The following ERO1A variants were observed in gnomAD, a reference collection of about 807,000 sequenced individuals.
ERO1A encodes the protein ERO1-like protein alpha.
In ERO1A, 49 loss-of-function variants were observed where a neutral mutation model predicts 76.9. The observed-to-expected ratio is 0.64, with a 90% confidence interval of 0.51 to 0.81. The LOEUF is 0.81. ERO1A is among the 30% of genes least tolerant of loss of function. The pLI is 0.00. For missense variants in ERO1A, 448 were observed against 542.1 expected (o/e 0.83, Z 1.72); for synonymous variants, 174 against 181.2 (o/e 0.96, Z 0.32).
chr14:52,684,169 G>A (rs1306315103), intron 1 of ERO1A, among the ~76,000 whole-genome samples: 1 of 139,386 alleles, frequency 7.2e-6, no homozygotes, highest in Non-Finnish European at 1.6e-5. Context: ...TTGGCCCCCT[G>A]GCAACCTTTA....
chr14:52,664,907 G>T (rs2040356506), intron 7 of ERO1A, among the ~76,000 whole-genome samples: 1 of 151,964 alleles, frequency 6.6e-6, no homozygotes, highest in African/African-American at 2.4e-5. Flanking sequence ...TAGTGAGGAT[G>T]GTCTCGATCT....
At chr14:52,688,531 T>C (rs2041252356) in intron 1 of ERO1A, among the ~76,000 whole-genome samples, 1 of 152,244 alleles carries the variant, frequency 6.6e-6, no homozygotes, top group Non-Finnish European at 1.5e-5. Context: ...TTAATCATTA[T>C]TATTACCCTA....
Position 52,642,256 on chromosome 14 carries a change from G to T in ERO1A, c.*1314C>A, listed in dbSNP as rs1253398613. The stretch of plus-strand genomic sequence containing the variant: ...GGTATAAAAAACAAAAATGAAACTG[G>T]GTATGGTGGCAGACACCTGTATTCC... On this transcript the variant is annotated 3_prime_UTR_variant, in exon 16 of 16. Coordinates refer to ENST00000395686, the MANE Select transcript of ERO1A (RefSeq NM_014584.3). 6.6e-6 allele frequency: 1 copy of T among 152,076 alleles called. No individual in the cohort carries two copies. The highest frequency in any genetic ancestry group is 1.5e-5 in the Non-Finnish European group (1 of 68,036). The allele number at this position is 152,076 out of a possible 1,614,324, so 9.4% of individuals were successfully genotyped here. A position where few individuals can be genotyped will look rare whatever the true frequency, so the allele number is the denominator to read the frequency against.
At chr14:52,657,554 T>C (rs931558620) in intron 11 of ERO1A, among the ~76,000 whole-genome samples, 1 of 152,202 alleles carries the variant, frequency 6.6e-6, no homozygotes, top group Admixed American at 6.5e-5. Flanking sequence ...CTTTTACCCA[T>C]TTAAACTCCA....
At chr14:52,662,089 A>T (rs2040251238) in intron 8 of ERO1A, among the ~76,000 whole-genome samples, 1 of 152,110 alleles carries the variant, frequency 6.6e-6, no homozygotes, top group Non-Finnish European at 1.5e-5. Context: ...TTTGATTTAA[A>T]TGAATAAAAA....
At position 52,653,148 on chromosome 14, in the gene ERO1A, C is replaced by G. The variant is rs573952507; in HGVS notation, c.976G>C (p.Asp326His). ...SKVLPFFERP[D>H]FQLFTGNKIQ... Reference sequence around the variant, plus strand: ...TTATTTCCAGTAAAGAGTTGAAAATCTGGGCGCTCGAAGAATGGTAACACT... The same window carrying G: ...TTATTTCCAGTAAAGAGTTGAAAATGTGGGCGCTCGAAGAATGGTAACACT... The change falls in exon 12 of 16, where the codon GAT (aspartate) becomes CAT (histidine). Residue 326 changes from aspartate to histidine, a missense_variant. Transcript: ENST00000395686. 11 of 1,612,832 alleles carry G rather than the reference C, an allele frequency of 6.8e-6. No homozygotes were observed. The highest frequency in any genetic ancestry group is 9.3e-6 in the Non-Finnish European group (11 of 1,179,092).
chr14:52,652,087 C>A, intron 13 of ERO1A, 152 bp downstream of exon 13: 1 of 427,012 alleles, frequency 2.3e-6, no homozygotes, highest in Non-Finnish European at 4.3e-6. Flanking sequence ...CCACCTCAGC[C>A]TCCCAAAGTG....
At chr14:52,654,445 T>C (rs1410389876) in intron 11 of ERO1A, among the ~76,000 whole-genome samples, 2 of 152,210 alleles carry the variant, frequency 1.3e-5, no homozygotes, top group African/African-American at 4.8e-5. Flanking sequence ...ATTCTCATTA[T>C]AATTGACATA....
chr14:52,650,950 A>T (rs1239806838), intron 13 of ERO1A, among the ~76,000 whole-genome samples: 1 of 152,182 alleles, frequency 6.6e-6, no homozygotes, highest in African/African-American at 2.4e-5. Context: ...GCTGGTATTC[A>T]TAACTGTCTT....
In ERO1A at chr14:52,695,490, C is replaced by T. The variant is rs757085286; in HGVS notation, c.-9G>A. 46 of 1,491,170 alleles carry T rather than the reference C, an allele frequency of 3.1e-5. No homozygotes were observed. The highest frequency in any genetic ancestry group is 4.0e-5 in the Non-Finnish European group (45 of 1,114,652). 92.4% of individuals were successfully genotyped at this position (1,491,170 alleles called of 1,614,324 possible). A position where few individuals can be genotyped will look rare whatever the true frequency, so the allele number is the denominator to read the frequency against. Reference sequence around the variant, plus strand: ...CCCCAGCCGCGGCCCATTGCAGCTCCGGCAGCTTGTCGCCCCACGCTTGGG... The same window carrying T: ...CCCCAGCCGCGGCCCATTGCAGCTCTGGCAGCTTGTCGCCCCACGCTTGGG... On this transcript the variant is annotated 5_prime_UTR_variant, in exon 1 of 16. Transcript: ENST00000395686.
chr14:52,687,629 T>C (rs1007254078), intron 1 of ERO1A, among the ~76,000 whole-genome samples: 4 of 152,132 alleles, frequency 2.6e-5, no homozygotes, highest in Admixed American at 2.0e-4. Context: ...CATGGAACAA[T>C]GCGGGTAAGG....
At position 52,666,401 on chromosome 14, in the gene ERO1A, A is replaced by T; in HGVS notation, c.603T>A (p.Asn201Lys). 2.5e-6 allele frequency: 4 copies of T among 1,608,502 alleles called. No homozygotes were observed. The highest frequency in any genetic ancestry group is 2.5e-6 in the Non-Finnish European group (3 of 1,178,022). The stretch of plus-strand genomic sequence containing the variant: ...TAAAACAGTTTTCTTCGTAGATGAC[A>T]TTCCATATTTTCCAAGCATCTGGTC... The part of the protein sequence containing the change: ...YKGPDAWKIW[N>K]VIYEENCFKP... Residue 201 changes from asparagine to lysine, a missense_variant, in exon 7 of 16, where the codon AAT (asparagine) becomes AAA (lysine). By Grantham distance (94) the Asn-to-Lys change is moderately conservative (BLOSUM62 0). This residue lies in a region of ERO1A where 302 missense variants were observed against 411.9 expected (regional missense o/e 0.73). Transcript: ENST00000395686.
chr14:52,671,468 C>T (rs569345734), intron 6 of ERO1A, 162 bp downstream of exon 6: 26 of 535,604 alleles, frequency 4.9e-5, no homozygotes, highest in South Asian at 2.2e-4. Context: ...CTATGTTGCC[C>T]AGTCTGGATT....
chr14:52,666,821 C>T (rs1040295744), intron 6 of ERO1A, among the ~76,000 whole-genome samples: 8 of 152,174 alleles, frequency 5.3e-5, no homozygotes, highest in Non-Finnish European at 1.2e-4. Context: ...GTCCCAGCTA[C>T]TCGAGAGGCT....
chr14:52,646,379 A>T lies in ERO1A; in HGVS notation c.1208T>A (p.Leu403His). 6.2e-7 allele frequency: 1 copy of T among 1,611,614 alleles called. No individual in the cohort carries two copies. Among genetic ancestry groups the T allele is most frequent in the Non-Finnish European group, 8.5e-7 (1 of 1,179,142 alleles). ...GGAATGACTAAATTTGCTTACCTGA[A>T]GCTTTCCCCACAGACGACATTTAAA... is the stretch of plus-strand genomic sequence containing the variant. ...GCFKCRLWGK[L>H]QTQGLGTALK... Residue 403 changes from leucine (L) to histidine (H), a missense_variant, in exon 14 of 16, where the codon CTT becomes CAT. Leu to His is a moderately conservative substitution (Grantham distance 99). Coordinates refer to ENST00000395686, the MANE Select transcript of ERO1A (RefSeq NM_014584.3).
chr14:52,692,437 G>T (rs1481184967), intron 1 of ERO1A, among the ~76,000 whole-genome samples: 1 of 152,150 alleles, frequency 6.6e-6, no homozygotes, highest in Non-Finnish European at 1.5e-5. Flanking sequence ...GTAACCCAAG[G>T]CAGATGTGGT....
chr14:52,690,668 TC>T (rs1398389085), intron 1 of ERO1A, among the ~76,000 whole-genome samples: 2 of 151,978 alleles, frequency 1.3e-5, no homozygotes, highest in African/African-American at 4.8e-5. Context: ...GCCACTGCAC[TC>T]CAGCCTGAGT....
At position 52,653,154 on chromosome 14, in the gene ERO1A, G is replaced by A. The variant is rs573835773; in HGVS notation, c.970C>T (p.Arg324Cys). The part of the protein sequence containing the change: ...ALSKVLPFFE[R>C]PDFQLFTGNK... ...CCAGTAAAGAGTTGAAAATCTGGGC[G>A]CTCGAAGAATGGTAACACTTTGGAT... The change falls in exon 12 of 16, where the codon CGC becomes TGC. Residue 324 changes from arginine to cysteine, a missense_variant. Arg to Cys is a radical substitution (Grantham distance 180). Transcript: ENST00000395686. 1.4e-5 allele frequency: 23 copies of A among 1,612,646 alleles called. No homozygotes were observed. Among genetic ancestry groups the A allele is most frequent in the East Asian group, 2.2e-5 (1 of 44,812 alleles).
rs1309924549 is a variant in ERO1A, at chr14:52,695,514, G to T, written c.-33C>A. 24 of 1,436,528 alleles carry T rather than the reference G, an allele frequency of 1.7e-5. No individual in the cohort carries two copies. The highest frequency in any genetic ancestry group is 4.6e-5 in the Admixed American group (2 of 43,484). 89.0% of individuals were successfully genotyped at this position (1,436,528 alleles called of 1,614,324 possible). ...CCGGCAGCTTGTCGCCCCACGCTTGGGAGGCCAGTCCGCACGCTCGGTCGC... is the reference window on the plus strand; with the variant it reads ...CCGGCAGCTTGTCGCCCCACGCTTGTGAGGCCAGTCCGCACGCTCGGTCGC... On this transcript the variant is annotated 5_prime_UTR_variant, in exon 1 of 16. Coordinates refer to ENST00000395686, the MANE Select transcript of ERO1A (RefSeq NM_014584.3).
Sources: allele counts gnomAD v4.1 joint callset (sites outside exome capture counted in the v4.1 genomes callset), GRCh38; gene constraint gnomAD v4.1.1; regional missense constraint gnomAD v4.1.1; transcripts MANE v1.5; gene names NCBI Gene and HGNC (gene_info 2026-07-23, HGNC 2026-07-21).